Variants in ZNRF3 observed in about 807,000 individuals in gnomAD.
The protein encoded by ZNRF3 is E3 ubiquitin-protein ligase ZNRF3.
In ZNRF3, 23 loss-of-function variants were observed where a neutral mutation model predicts 72.5. The observed-to-expected ratio is 0.32, with a 90% CI of 0.23 to 0.45. ZNRF3 has a LOEUF of 0.45. Ranked by LOEUF, ZNRF3 falls within the 20% of genes least tolerant of loss-of-function variation. ZNRF3 has a pLI of 1.00. For missense variants in ZNRF3, 1,169 were observed against 1,272.1 expected, an observed-to-expected ratio of 0.92 and a Z score of 1.23; for synonymous variants, 610 against 545.3, an observed-to-expected ratio of 1.12 and a Z score of -1.65.
chr22:28,919,420 T>C (rs1465050613), intron 1 of ZNRF3, among the ~76,000 whole-genome samples: 1 of 152,240 alleles, frequency 6.6e-6, no homozygotes, highest in Non-Finnish European at 1.5e-5. Context: ...TTGCTGCTGT[T>C]GTCCTCATTG....
intron 2 of ZNRF3, among the ~76,000 whole-genome samples, chr22:28,996,238 C>G (rs2036044006): frequency 6.6e-6 from 1 of 152,170 alleles, no homozygotes; most frequent in African/African-American, 2.4e-5. Flanking sequence ...TGTTCCCAGC[C>G]TGTTTTCATG....
At chr22:29,031,785 C>T (rs889797115) in intron 2 of ZNRF3, among the ~76,000 whole-genome samples, 2 of 152,192 alleles carry the variant, frequency 1.3e-5, no homozygotes, top group East Asian at 1.9e-4. Context: ...TGCTCTCCAT[C>T]GTGTTAACCG....
At chr22:28,940,583 C>T (rs893590797) in intron 1 of ZNRF3, among the ~76,000 whole-genome samples, 1 of 151,552 alleles carries the variant, frequency 6.6e-6, no homozygotes, top group African/African-American at 2.4e-5. Context: ...GTTCTTCTTC[C>T]ATTCACACTT....
chr22:29,031,669 AG>A lies in ZNRF3; in HGVS notation c.427-10821del, dbSNP rs1275758001. On this transcript the variant is annotated intron_variant, in intron 2 of 8. Transcript: ENST00000544604. ...AATCCACTTAGTGGCCTCCAGAGGG[AG>A]GGGGATAACAGGACTCAAAGAGCCT... The A allele has an allele frequency of 5.1e-6, 5 of 979,844 alleles. No individual in the cohort carries two copies. In the African/African-American group the frequency reaches 7.0e-5, roughly 14 times the overall value. The allele number at this position is 979,844 out of a possible 1,614,324, so 60.7% of individuals were successfully genotyped here.
chr22:28,885,939 A>T (rs2033778300), intron 1 of ZNRF3, among the ~76,000 whole-genome samples: 1 of 152,206 alleles, frequency 6.6e-6, no homozygotes, highest in South Asian at 2.1e-4. Context: ...CCAAAAAAAA[A>T]AAAAAGTCAA....
intron 2 of ZNRF3, among the ~76,000 whole-genome samples, chr22:29,021,506 G>C (rs1200233500): frequency 7.1e-6 from 1 of 140,016 alleles, no homozygotes; most frequent in East Asian, 2.1e-4. Context: ...TTTTTTTTTG[G>C]AGACAGAGTC....
rs907064825 is a variant in ZNRF3, at chr22:28,993,435, C to T, written c.426+6234C>T. 2.0e-5 allele frequency among the ~76,000 whole-genome samples: 3 copies of T among 152,146 alleles called. No homozygotes were observed. In the East Asian group the frequency reaches 5.8e-4, roughly 29 times the overall value. ...TAATCCTGGCTCTTCTGATAAGCAG[C>T]GGGGAAACCAAGGTACGAGAGGTGG... On this transcript the variant is annotated intron_variant, in intron 2 of 8. Coordinates refer to ENST00000544604, the MANE Select transcript of ZNRF3 (RefSeq NM_001206998.2).
Position 28,927,228 on chromosome 22 carries a change from C to T in ZNRF3, c.300+43162C>T, listed in dbSNP as rs1039541044. ...AAAGTCAGCTTATCTGAAATGTTAA[C>T]GCTTTCATAGAAAGGCTTTAGCTTT... On this transcript the variant is annotated intron_variant, in intron 1 of 8. Coordinates refer to ENST00000544604, the MANE Select transcript of ZNRF3 (RefSeq NM_001206998.2). Among the ~76,000 whole-genome samples the T allele has an allele frequency of 5.9e-5, 9 of 152,120 alleles. 1 individual carries two copies. The highest frequency in any genetic ancestry group is 1.9e-4 in the East Asian group (1 of 5,188).
chr22:29,050,026 C>G lies in ZNRF3; in HGVS notation c.1845C>G (p.Ser615Arg). The change falls in exon 8 of 9, where the codon AGC becomes AGG. Residue 615 changes from serine (S) to arginine (R), a missense_variant. By Grantham distance (110) the Ser-to-Arg change is moderately radical (BLOSUM62 -1). Transcript: ENST00000544604. Reference sequence around the variant, plus strand: ...CCAGTGAGGCGGGGGGCTCGGGCAGCTCGGGCCGGGGACCTGCCCTGTGCT... The same window carrying G: ...CCAGTGAGGCGGGGGGCTCGGGCAGGTCGGGCCGGGGACCTGCCCTGTGCT... ...CRASEAGGSG[S>R]SGRGPALCFE... 6.2e-7 allele frequency: 1 copy of G among 1,610,176 alleles called. No homozygotes were observed. Among genetic ancestry groups the G allele is most frequent in the Non-Finnish European group, 8.5e-7 (1 of 1,178,770 alleles).
chr22:29,051,070 C>A, intron 8 of ZNRF3, 122 bp downstream of exon 8: 1 of 1,135,194 alleles, frequency 8.8e-7, no homozygotes, highest in Non-Finnish European at 1.2e-6. Context: ...CCATCTGAGG[C>A]TGAAGACTTC....
intron 1 of ZNRF3, among the ~76,000 whole-genome samples, chr22:28,898,877 G>A (rs960792276): frequency 5.3e-5 from 8 of 150,436 alleles, no homozygotes; most frequent in Non-Finnish European, 1.2e-4. Flanking sequence ...GTAAGCATTT[G>A]GGAAATTATT....
intron 1 of ZNRF3, among the ~76,000 whole-genome samples, chr22:28,896,002 G>A (rs1408594400): frequency 6.6e-6 from 1 of 152,212 alleles, no homozygotes; most frequent in Non-Finnish European, 1.5e-5. Context: ...CCAGGCTGGA[G>A]TGCAGTGGAG....
At position 29,050,190 on chromosome 22, in the gene ZNRF3, A is replaced by G. The variant is rs752388778; in HGVS notation, c.2009A>G (p.Asn670Ser). 3.7e-6 allele frequency: 6 copies of G among 1,601,202 alleles called. No individual in the cohort carries two copies. The highest frequency in any genetic ancestry group is 5.1e-6 in the Non-Finnish European group (6 of 1,179,750). The change falls in exon 8 of 9, where the codon AAC becomes AGC. Residue 670 changes from asparagine to serine, a missense_variant. Asn to Ser is a conservative substitution (Grantham distance 46). Transcript: ENST00000544604. ...TCSLEMNYSS[N>S]SSLEHRGPNS... ...AGCCTGGAGATGAACTACAGCAGCAACTCCTCCCTGGAGCACAGGGGGCCC... is the reference window on the plus strand; with the variant it reads ...AGCCTGGAGATGAACTACAGCAGCAGCTCCTCCCTGGAGCACAGGGGGCCC...
rs1056035201 is a variant in ZNRF3 at position 29,055,120 on chromosome 22, GGAGA to G, written c.*1503_*1506del. 9 of 152,824 alleles carry G rather than the reference GGAGA, an allele frequency of 5.9e-5. No homozygotes were observed. Among genetic ancestry groups the G allele is most frequent in the East Asian group, 5.8e-4 (3 of 5,186 alleles). 9.5% of individuals were successfully genotyped at this position (152,824 alleles called of 1,614,324 possible). On this transcript the variant is annotated 3_prime_UTR_variant, in exon 9 of 9. Coordinates refer to ENST00000544604, the MANE Select transcript of ZNRF3 (RefSeq NM_001206998.2). Reference sequence around the variant, plus strand: ...TTTTAAGGTGTTTCATTTTTAAAAGGGAGAGAGAATCTATTTAAAGCTATTTCAG... The same window carrying G: ...TTTTAAGGTGTTTCATTTTTAAAAGGGAGAATCTATTTAAAGCTATTTCAG...
At chr22:29,003,299 G>T (rs1398818673) in intron 2 of ZNRF3, among the ~76,000 whole-genome samples, 1 of 151,952 alleles carries the variant, frequency 6.6e-6, no homozygotes, top group African/African-American at 2.4e-5. Flanking sequence ...GGCGGATCAC[G>T]AGGGCAGGAG....
intron 4 of ZNRF3, among the ~76,000 whole-genome samples, chr22:29,044,079 C>G (rs1349326766): frequency 6.6e-6 from 1 of 152,204 alleles, no homozygotes; most frequent in Non-Finnish European, 1.5e-5. Context: ...TTCCTCCTCA[C>G]AAATATTGGG....
chr22:28,896,280 G>A lies in ZNRF3; in HGVS notation c.300+12214G>A, dbSNP rs193083269. On this transcript the variant is annotated intron_variant, in intron 1 of 8. Coordinates refer to ENST00000544604, the MANE Select transcript of ZNRF3 (RefSeq NM_001206998.2). ...CTCCCGAGTAGCTGGGACTACAGGCGTGTGCCACCACGCCTGGCTAATTTT... is the reference window on the plus strand; with the variant it reads ...CTCCCGAGTAGCTGGGACTACAGGCATGTGCCACCACGCCTGGCTAATTTT... Among the ~76,000 whole-genome samples, 786 of 152,236 alleles carry A rather than the reference G, an allele frequency of 5.2e-3. 5 individuals carry two copies. Among genetic ancestry groups the A allele is most frequent in the Non-Finnish European group, 7.4e-3 (503 of 68,010 alleles).
intron 1 of ZNRF3, among the ~76,000 whole-genome samples, chr22:28,940,484 A>G (rs1258044953): frequency 6.9e-6 from 1 of 145,362 alleles, no homozygotes; most frequent in African/African-American, 2.5e-5. Flanking sequence ...ACAGAGCCAC[A>G]CTAGGTTTCT....
Position 29,050,743 on chromosome 22 carries a change from C to T in ZNRF3, c.2562C>T (p.Ser854=), listed in dbSNP as rs753254675. The T allele has an allele frequency of 1.9e-6, 3 of 1,609,842 alleles. No homozygotes were observed. The highest frequency in any genetic ancestry group is 3.4e-5 in the Admixed American group (2 of 59,630). The change falls in exon 8 of 9, where the codon TCC becomes TCT. Residue 854 remains serine (S), a synonymous_variant. Coordinates refer to ENST00000544604, the MANE Select transcript of ZNRF3 (RefSeq NM_001206998.2). Reference sequence around the variant, plus strand: ...GCCAAGGGACCCACAGCCTCGGCTCCTGGGGTGGGACGCGAGGCCCGGATA... The same window carrying T: ...GCCAAGGGACCCACAGCCTCGGCTCTTGGGGTGGGACGCGAGGCCCGGATA... ...SDCQGTHSLG[S]WGGTRGPDTP... is the part of the protein sequence containing the mutation.
Sources: gnomAD v4.1 joint callset for allele counts (sites outside exome capture counted in the v4.1 genomes callset) on GRCh38, gnomAD v4.1.1 for gene constraint, MANE v1.5 for transcripts, NCBI Gene and HGNC (gene_info 2026-07-23, HGNC 2026-07-21) for gene names.